PTPRD: variants seen among roughly 807,000 people sequenced by gnomAD.
The protein encoded by PTPRD is receptor-type tyrosine-protein phosphatase delta.
PTPRD carries 34 observed loss-of-function variants against 214.5 expected under a neutral mutation model. That is an observed-to-expected ratio of 0.16 (90% CI 0.12 to 0.21). PTPRD has a LOEUF of 0.21. Ranked by LOEUF, PTPRD falls within the 10% of genes least tolerant of loss-of-function variation. PTPRD has a pLI of 1.00. For missense variants in PTPRD, 2,545 were observed against 2,398.7 expected (o/e 1.06, Z -1.27); for synonymous variants, 1,128 against 845.7 (o/e 1.33, Z -5.79).
At chr9:9,358,842 A>G (rs1015348650) in intron 9 of PTPRD, among the ~76,000 whole-genome samples, 4 of 151,356 alleles carry the variant, frequency 2.6e-5, no homozygotes, top group Non-Finnish European at 5.9e-5. Context: ...ATTCTTGTAT[A>G]GGAAACTCAA....
intron 2 of PTPRD, among the ~76,000 whole-genome samples, chr9:10,424,573 C>T (rs1270199269): frequency 2.0e-5 from 3 of 151,948 alleles, no homozygotes; most frequent in African/African-American, 7.2e-5. Flanking sequence ...TACTTGTCCT[C>T]TCTCCCACCT....
intron 44 of PTPRD, among the ~76,000 whole-genome samples, chr9:8,329,761 C>T (rs1169181038): frequency 1.3e-5 from 2 of 152,244 alleles, no homozygotes; most frequent in South Asian, 4.1e-4. Context: ...TGCTGAGCTG[C>T]AGTGGACTCA....
intron 11 of PTPRD, among the ~76,000 whole-genome samples, chr9:8,806,165 T>A (rs1057080851): frequency 6.7e-6 from 1 of 148,640 alleles, no homozygotes; most frequent in African/African-American, 2.5e-5. Flanking sequence ...TCTCAGGTGA[T>A]CCACCCACCT....
chr9:10,112,618 G>T (rs1325736277), intron 3 of PTPRD, among the ~76,000 whole-genome samples: 3 of 152,164 alleles, frequency 2.0e-5, no homozygotes, highest in African/African-American at 7.2e-5. Flanking sequence ...CCGTGGAGGA[G>T]GCAGACTTCT....
chr9:8,464,734 CA>C (rs1355555693), intron 32 of PTPRD, among the ~76,000 whole-genome samples: 4 of 149,286 alleles, frequency 2.7e-5, no homozygotes, highest in African/African-American at 9.9e-5. Context: ...TTTAAACATT[CA>C]AAGTAACTGA....
chr9:8,394,678 G>A (rs920307746), intron 36 of PTPRD, among the ~76,000 whole-genome samples: 1 of 152,012 alleles, frequency 6.6e-6, no homozygotes, highest in African/African-American at 2.4e-5. Context: ...TAACCTTCTT[G>A]GACTCAGACA....
At chr9:9,854,719 A>C (rs1386181827) in intron 5 of PTPRD, among the ~76,000 whole-genome samples, 1 of 151,912 alleles carries the variant, frequency 6.6e-6, no homozygotes, top group Non-Finnish European at 1.5e-5. Context: ...AATCCCTTTC[A>C]ACTTCATCTT....
intron 8 of PTPRD, among the ~76,000 whole-genome samples, chr9:9,551,595 T>C (rs2080259683): frequency 6.6e-6 from 1 of 152,046 alleles, no homozygotes; most frequent in African/African-American, 2.4e-5. Context: ...AGATATTACA[T>C]TAATGTTTGG....
intron 3 of PTPRD, among the ~76,000 whole-genome samples, chr9:10,108,926 C>G (rs192936161): frequency 1.6e-3 from 243 of 151,664 alleles, no homozygotes; most frequent in African/African-American, 5.6e-3. Context: ...CTATACTCAG[C>G]CTATTGTTGA....
chr9:10,306,249 A>G (rs967143927), intron 3 of PTPRD, among the ~76,000 whole-genome samples: 63 of 146,056 alleles, frequency 4.3e-4, no homozygotes, highest in Admixed American at 1.2e-3. Context: ...AGGGAGGGGA[A>G]CATCACATGC....
intron 2 of PTPRD, among the ~76,000 whole-genome samples, chr9:10,498,573 T>C (rs565363276): frequency 6.6e-6 from 1 of 152,020 alleles, no homozygotes; most frequent in Non-Finnish European, 1.5e-5. Flanking sequence ...AACTTACTTT[T>C]AAGATATACG....
At position 8,975,329 on chromosome 9, in the gene PTPRD, C is replaced by A. The variant is rs144009918; in HGVS notation, c.-104+43368G>T. ...TGTTTCAAGAACATTTCTATGTACTCCTAACTCTGCTTTTCAGTTGAAGAA... is the reference window on the plus strand; with the variant it reads ...TGTTTCAAGAACATTTCTATGTACTACTAACTCTGCTTTTCAGTTGAAGAA... On this transcript the variant is annotated intron_variant, in intron 11 of 45. Transcript: ENST00000381196. Among the ~76,000 whole-genome samples, 171 of 152,076 alleles carry A rather than the reference C, an allele frequency of 1.1e-3. 1 individual carries two copies. Among genetic ancestry groups the A allele is most frequent in the African/African-American group, 3.9e-3 (161 of 41,502 alleles).
At chr9:10,338,367 T>C (rs1408233934) in intron 3 of PTPRD, among the ~76,000 whole-genome samples, 2 of 151,798 alleles carry the variant, frequency 1.3e-5, no homozygotes, top group Admixed American at 6.6e-5. Context: ...TCCATACCAA[T>C]ATAACTTTCA....
intron 2 of PTPRD, among the ~76,000 whole-genome samples, chr9:10,345,273 T>C (rs10959059): frequency 6.6e-6 from 1 of 152,196 alleles, no homozygotes; most frequent in Non-Finnish European, 1.5e-5. Flanking sequence ...ACATTTTTTC[T>C]TTTTTTAAAT....
intron 14 of PTPRD, among the ~76,000 whole-genome samples, chr9:8,554,044 C>A (rs887838897): frequency 5.9e-5 from 9 of 152,000 alleles, no homozygotes; most frequent in African/African-American, 1.9e-4. Flanking sequence ...AAAAATTAGC[C>A]GGGCGTGGTA....
At chr9:8,980,749 C>A (rs1172522473) in intron 11 of PTPRD, among the ~76,000 whole-genome samples, 1 of 152,028 alleles carries the variant, frequency 6.6e-6, no homozygotes, top group Non-Finnish European at 1.5e-5. Flanking sequence ...ATGATAGAGG[C>A]TAAACTTTCC....
Position 9,529,594 on chromosome 9 carries a change from A to T in PTPRD, c.-237+45138T>A, listed in dbSNP as rs889352188. ...CAGAAAATCACAGTAAGATAGGACT[A>T]CATACTCATTAAAACAGCTAAAATT... On this transcript the variant is annotated intron_variant, in intron 8 of 45. Transcript: ENST00000381196. Among the ~76,000 whole-genome samples, 3 of 152,156 alleles carry T rather than the reference A, an allele frequency of 2.0e-5. No individual in the cohort carries two copies. The East Asian group carries it at 5.8e-4, about 29-fold the overall frequency.
intron 3 of PTPRD, among the ~76,000 whole-genome samples, chr9:10,042,996 T>C (rs1463779898): frequency 6.6e-6 from 1 of 151,948 alleles, no homozygotes; most frequent in African/African-American, 2.4e-5. Context: ...CTGAGAATAC[T>C]TGAGTTCTAA....
chr9:9,949,630 G>C (rs1329223578), intron 4 of PTPRD, among the ~76,000 whole-genome samples: 1 of 152,092 alleles, frequency 6.6e-6, no homozygotes, highest in Non-Finnish European at 1.5e-5. Flanking sequence ...TCCTACTACG[G>C]AGTAGGCATT....
Sources: gnomAD v4.1 joint callset for allele counts (sites outside exome capture counted in the v4.1 genomes callset) on GRCh38, gnomAD v4.1.1 for gene constraint, MANE v1.5 for transcripts, NCBI Gene and HGNC (gene_info 2026-07-23, HGNC 2026-07-21) for gene names.